The following CLVS1 variants were observed in gnomAD, a reference collection of about 807,000 sequenced individuals.
CLVS1 encodes the protein clavesin 1.
Under a neutral mutation model 33.1 loss-of-function variants are expected in CLVS1, and 10 were observed. The ratio of observed to expected loss-of-function variants is 0.30; its 90% CI spans 0.19 to 0.51. CLVS1 has a LOEUF of 0.51. CLVS1 is among the 20% of genes least tolerant of loss of function. The pLI, the probability that CLVS1 is intolerant of heterozygous loss-of-function variation, is 0.97. For missense variants in CLVS1, 343 were observed against 433.4 expected (o/e 0.79, Z 1.85); for synonymous variants, 163 against 166.1 (o/e 0.98, Z 0.14).
intron 1 of CLVS1, among the ~76,000 whole-genome samples, chr8:61,291,082 T>A (rs1457264735): frequency 6.6e-6 from 1 of 152,142 alleles, no homozygotes; most frequent in Admixed American, 6.6e-5. Context: ...TGGCCAAACA[T>A]CCCCTGCCCC....
At chr8:61,066,499 A>G (rs962184174) in intron 1 of CLVS1, among the ~76,000 whole-genome samples, 1 of 152,172 alleles carries the variant, frequency 6.6e-6, no homozygotes, top group African/African-American at 2.4e-5. Context: ...CCCTGTCTCA[A>G]GAAAAAAAGA....
the CLVS1 span, among the ~76,000 whole-genome samples, chr8:61,028,939 G>A: frequency 6.6e-6 from 1 of 152,172 alleles, no homozygotes; most frequent in Non-Finnish European, 1.5e-5. Flanking sequence ...ATTTTGGATA[G>A]GTTTGTGCTG....
chr8:61,257,066 T>C (rs1040509529), intron 2 of CLVS1, among the ~76,000 whole-genome samples: 4 of 152,236 alleles, frequency 2.6e-5, no homozygotes, highest in African/African-American at 9.6e-5. Context: ...ACCAAAAAGA[T>C]GGCTTTGATC....
At chr8:61,157,320 CTGAGA>C (rs1806670230) in intron 2 of CLVS1, among the ~76,000 whole-genome samples, 1 of 152,140 alleles carries the variant, frequency 6.6e-6, no homozygotes, top group African/African-American at 2.4e-5. Flanking sequence ...ACTAATTGTG[CTGAGA>C]TAACTGAATA....
chr8:61,410,279 G>A (rs762597461), intron 3 of CLVS1, among the ~76,000 whole-genome samples: 5 of 151,838 alleles, frequency 3.3e-5, no homozygotes, highest in South Asian at 2.1e-4. Flanking sequence ...CTGCCTAGTC[G>A]TTCCAACACA....
At chr8:61,358,174 C>T (rs572506694) in intron 2 of CLVS1, among the ~76,000 whole-genome samples, 1 of 152,206 alleles carries the variant, frequency 6.6e-6, no homozygotes, top group Non-Finnish European at 1.5e-5. Context: ...TTAAAGACTT[C>T]TTCACCTTCT....
the CLVS1 span, among the ~76,000 whole-genome samples, chr8:61,014,934 G>A: frequency 1.3e-5 from 2 of 152,250 alleles, no homozygotes; most frequent in African/African-American, 2.4e-5. Context: ...TCTAGAAGAA[G>A]TAGCTCCTCT....
intron 1 of CLVS1, among the ~76,000 whole-genome samples, chr8:61,120,607 T>C (rs1465466776): frequency 8.3e-6 from 1 of 120,152 alleles, no homozygotes; most frequent in Non-Finnish European, 1.7e-5. Context: ...GACCCTCAGC[T>C]GCAGGTCTGT....
rs575359693 is a variant in CLVS1, at chr8:61,475,577, G to C, written c.977+17035G>C. Among the ~76,000 whole-genome samples the C allele has an allele frequency of 2.1e-4, 32 of 152,206 alleles. No homozygotes were observed. In the South Asian group the frequency reaches 5.6e-3, roughly 27 times the overall value. ...ATGAGCATTTTTTCATGTGTTTTTT[G>C]GCTGCATAAATGTCTTCTTTTGAGA... On this transcript the variant is annotated intron_variant, in intron 5 of 5. Transcript: ENST00000325897.
rs79575131 is a variant in CLVS1 at position 61,322,541 on chromosome 8, C to T, written c.455+22259C>T. On this transcript the variant is annotated intron_variant, in intron 2 of 5. Transcript: ENST00000325897. ...TAGTAAACCTTAGGGACTTCCAGTG[C>T]CATCGGTGGTGTCAAAATTCTAGCA... 0.011 allele frequency among the ~76,000 whole-genome samples: 1,682 copies of T among 152,168 alleles called. 92 individuals are homozygous for T. The East Asian group carries it at 0.18, about 16-fold the overall frequency.
At chr8:61,226,190 G>T (rs1410214203) in intron 2 of CLVS1, among the ~76,000 whole-genome samples, 2 of 152,186 alleles carry the variant, frequency 1.3e-5, no homozygotes, top group Admixed American at 1.3e-4. Flanking sequence ...GAGCAGAGAT[G>T]CATACTGAAG....
At chr8:61,014,782 T>C in the CLVS1 span, among the ~76,000 whole-genome samples, 1 of 152,238 alleles carries the variant, frequency 6.6e-6, no homozygotes, top group East Asian at 1.9e-4. Context: ...TTTTTCCTAA[T>C]TGGAAGGACA....
chr8:61,272,372 C>T (rs2129592774), intron 2 of CLVS1, among the ~76,000 whole-genome samples: 1 of 152,322 alleles, frequency 6.6e-6, no homozygotes, highest in African/African-American at 2.4e-5. Context: ...CGCTGTTAGT[C>T]TGATGGGCTT....
chr8:61,015,844 T>C, the CLVS1 span, among the ~76,000 whole-genome samples: 1 of 152,006 alleles, frequency 6.6e-6, no homozygotes, highest in Non-Finnish European at 1.5e-5. Context: ...ACCACTTCCA[T>C]CCCAAAGCTT....
chr8:60,976,510 A>C, the CLVS1 span, among the ~76,000 whole-genome samples: 1 of 152,142 alleles, frequency 6.6e-6, no homozygotes, highest in African/African-American at 2.4e-5. Flanking sequence ...GGTGTTTGCC[A>C]CCAGCCCTGC....
At chr8:61,097,046 G>T (rs1322950312) in intron 1 of CLVS1, among the ~76,000 whole-genome samples, 1 of 152,078 alleles carries the variant, frequency 6.6e-6, no homozygotes, top group Non-Finnish European at 1.5e-5. Context: ...CACAGTTAAA[G>T]GTCTCTAAAC....
In CLVS1 at chr8:61,500,399, C is replaced by CATTT. The variant is rs1261531946; in HGVS notation, c.*859_*862dup. ...ACAGCAAAGAAAAGTGCTATCAAAC[C>CATTT]ATTTACCCTTGCCCCCACAACCCTC... is the stretch of plus-strand genomic sequence containing the variant. On this transcript the variant is annotated 3_prime_UTR_variant, in exon 6 of 6. Transcript: ENST00000325897. The CATTT allele has an allele frequency of 6.6e-6, 1 of 151,700 alleles. No individual in the cohort carries two copies. The highest frequency in any genetic ancestry group is 1.5e-5 in the Non-Finnish European group (1 of 67,744). 9.4% of individuals were successfully genotyped at this position (151,700 alleles called of 1,614,324 possible). A position where few individuals can be genotyped will look rare whatever the true frequency, so the allele number is the denominator to read the frequency against.
In CLVS1 at chr8:61,302,405, A is replaced by G. The variant is rs181566025; in HGVS notation, c.455+2123A>G. 3.1e-3 allele frequency among the ~76,000 whole-genome samples: 474 copies of G among 152,314 alleles called. 3 individuals are homozygous for G. The highest frequency in any genetic ancestry group is 0.01 in the Middle Eastern group (3 of 294). ...CATTCATCTTTATCATTCACTCAAC[A>G]TTCAGTGAGTATAGACTTTGTGCCA... On this transcript the variant is annotated intron_variant, in intron 2 of 5. Coordinates refer to ENST00000325897, the MANE Select transcript of CLVS1 (RefSeq NM_173519.3).
intron 2 of CLVS1, chr8:61,202,523 A>C: frequency 9.5e-7 from 1 of 1,048,944 alleles, no homozygotes; most frequent in East Asian, 2.4e-5. Flanking sequence ...GATGAATTGC[A>C]CATTGTTGAA....
Sources: allele counts gnomAD v4.1 joint callset (sites outside exome capture counted in the v4.1 genomes callset), GRCh38; gene constraint gnomAD v4.1.1; transcripts MANE v1.5; gene names NCBI Gene and HGNC (gene_info 2026-07-23, HGNC 2026-07-21).